The following CCDC146 variants were observed in gnomAD, a reference collection of about 807,000 sequenced individuals.
CCDC146 encodes the protein coiled-coil domain containing 146, also known as coiled-coil domain-containing protein 146.
In CCDC146, 92 loss-of-function variants were observed where a neutral mutation model predicts 119.3. That is an observed-to-expected ratio of 0.77 (90% CI 0.65 to 0.92). The LOEUF (loss-of-function observed/expected upper bound fraction) is 0.92, where lower values mean the gene tolerates loss of function less well. CCDC146 is among the 40% of genes least tolerant of loss of function. The probability of loss-of-function intolerance (pLI) is 0.00; values close to 1 mark genes in which losing one functional copy is unlikely to be tolerated. For synonymous variants in CCDC146, 372 were observed against 371.8 expected (o/e 1.00, Z -0.01); for missense variants, 1,000 against 1,103.0 (o/e 0.91, Z 1.32).
chr7:77,156,287 A>C (rs1290981660), intron 1 of CCDC146, among the ~76,000 whole-genome samples: 2 of 152,248 alleles, frequency 1.3e-5, no homozygotes, highest in African/African-American at 4.8e-5. Context: ...AATTGAAGGT[A>C]GTTCAAACCC....
intron 2 of CCDC146, among the ~76,000 whole-genome samples, chr7:77,204,815 A>G (rs1792054352): frequency 6.6e-6 from 1 of 152,162 alleles, no homozygotes; most frequent in African/African-American, 2.4e-5. Context: ...ATTTCCAGAG[A>G]CTTAGGAAGT....
In CCDC146 at chr7:77,196,191, A is replaced by G; in HGVS notation, c.156+28367A>G. The G allele has an allele frequency of 1.0e-6, 1 of 959,574 alleles. No homozygotes were observed. Among genetic ancestry groups the G allele is most frequent in the Admixed American group, 2.8e-5 (1 of 35,602 alleles). 59.4% of individuals were successfully genotyped at this position (959,574 alleles called of 1,614,324 possible). A position where few individuals can be genotyped will look rare whatever the true frequency, so the allele number is the denominator to read the frequency against. Reference sequence around the variant, plus strand: ...GTCAGACATCATTTTTTAGCTATGAAAAATATGAAACAAGGCATATTCTAA... The same window carrying G: ...GTCAGACATCATTTTTTAGCTATGAGAAATATGAAACAAGGCATATTCTAA... On this transcript the variant is annotated intron_variant, in intron 2 of 18. Transcript: ENST00000285871. This position sits in a 1 kb window ranked among gnomAD's most constrained non-coding sequence, Gnocchi z 4.2.
chr7:77,247,823 T>C (rs1245939696), intron 4 of CCDC146, among the ~76,000 whole-genome samples: 1 of 152,172 alleles, frequency 6.6e-6, no homozygotes, highest in Non-Finnish European at 1.5e-5. Context: ...AGGGAACACT[T>C]ATACATTGTT....
intron 2 of CCDC146, among the ~76,000 whole-genome samples, chr7:77,201,054 T>C (rs1791977778): frequency 6.6e-6 from 1 of 152,176 alleles, no homozygotes. Context: ...ATTCACATTC[T>C]CAAAATGTTG....
At chr7:77,253,153 CAA>C (rs745327999) in intron 4 of CCDC146, among the ~76,000 whole-genome samples, 4 of 152,196 alleles carry the variant, frequency 2.6e-5, no homozygotes, top group Non-Finnish European at 4.4e-5. Flanking sequence ...GTAGTGGAAA[CAA>C]AAGTGAAAAT....
At chr7:77,277,636 G>A (rs998568935) in intron 11 of CCDC146, among the ~76,000 whole-genome samples, 1 of 152,076 alleles carries the variant, frequency 6.6e-6, no homozygotes, top group Non-Finnish European at 1.5e-5. Flanking sequence ...CAGAATAGAT[G>A]ACACTACATT....
At chr7:77,235,726 A>T in intron 2 of CCDC146, among the ~76,000 whole-genome samples, 1 of 152,128 alleles carries the variant, frequency 6.6e-6, no homozygotes, top group East Asian at 1.9e-4. Flanking sequence ...AGATGATGAG[A>T]CTTGGGCCAG....
chr7:77,232,774 G>C (rs1407579818), intron 2 of CCDC146, among the ~76,000 whole-genome samples: 1 of 152,212 alleles, frequency 6.6e-6, no homozygotes, highest in Non-Finnish European at 1.5e-5. Flanking sequence ...TGGGGAAGAA[G>C]GGGAGGATGA....
At chr7:77,217,946 TCA>T (rs1237114877) in intron 2 of CCDC146, among the ~76,000 whole-genome samples, 1 of 152,194 alleles carries the variant, frequency 6.6e-6, no homozygotes. Context: ...TGGAAGTTGC[TCA>T]GAGTGAGTCA....
chr7:77,199,956 G>T lies in CCDC146; in HGVS notation c.156+32132G>T, dbSNP rs1198613150. 5 of 721,022 alleles carry T rather than the reference G, an allele frequency of 6.9e-6. No homozygotes were observed. In the African/African-American group the frequency reaches 7.1e-5, roughly 10 times the overall value. 44.7% of individuals were successfully genotyped at this position (721,022 alleles called of 1,614,324 possible). On this transcript the variant is annotated intron_variant, in intron 2 of 18. Coordinates refer to ENST00000285871, the MANE Select transcript of CCDC146 (RefSeq NM_020879.3). ...GAAGAGGAGATAGCCCTCATCAAAC[G>T]CAGTTTGCCAAAAACTGTAACTTAC...
intron 2 of CCDC146, among the ~76,000 whole-genome samples, chr7:77,214,390 T>C (rs1792259386): frequency 6.6e-6 from 1 of 152,208 alleles, no homozygotes; most frequent in South Asian, 2.1e-4. Context: ...TTTTCTCCCA[T>C]TCTGTAGATT....
chr7:77,291,733 T>C (rs144126223), intron 17 of CCDC146, among the ~76,000 whole-genome samples: 110 of 152,082 alleles, frequency 7.2e-4, no homozygotes, highest in African/African-American at 2.4e-3. Context: ...AACAAAACAC[T>C]CCAGGAACAG....
At chr7:77,249,293 T>C (rs993439737) in intron 4 of CCDC146, among the ~76,000 whole-genome samples, 1 of 152,012 alleles carries the variant, frequency 6.6e-6, no homozygotes, top group East Asian at 1.9e-4. Context: ...ATCAAGACCA[T>C]CCTGGCCAAC....
At chr7:77,128,441 T>G (rs1257978949) in intron 1 of CCDC146, among the ~76,000 whole-genome samples, 4 of 151,820 alleles carry the variant, frequency 2.6e-5, no homozygotes, top group Non-Finnish European at 4.4e-5. Flanking sequence ...ATGAATAAAG[T>G]CTAAAGAATA....
chr7:77,145,652 T>G (rs1399422072), intron 1 of CCDC146, among the ~76,000 whole-genome samples: 1 of 152,228 alleles, frequency 6.6e-6, no homozygotes, highest in Non-Finnish European at 1.5e-5. Context: ...AACATCTTTA[T>G]TTCTGCCTTC....
chr7:77,202,684 A>G (rs955755569), intron 2 of CCDC146, among the ~76,000 whole-genome samples: 1 of 151,698 alleles, frequency 6.6e-6, no homozygotes, highest in Non-Finnish European at 1.5e-5. Flanking sequence ...AAGAGGCTCA[A>G]CTCCCCTAAT....
At chr7:77,211,728 G>T (rs533443610) in intron 2 of CCDC146, among the ~76,000 whole-genome samples, 4 of 152,130 alleles carry the variant, frequency 2.6e-5, no homozygotes, top group African/African-American at 9.6e-5. Flanking sequence ...TGATTCTCCT[G>T]CCTCAGCCTC....
chr7:77,279,295 A>G (rs1431091919), intron 13 of CCDC146, among the ~76,000 whole-genome samples, 194 bp downstream of exon 13: 1 of 152,174 alleles, frequency 6.6e-6, no homozygotes, highest in African/African-American at 2.4e-5. Context: ...AATAAAAAGA[A>G]TAGTATTTTA....
intron 6 of CCDC146, among the ~76,000 whole-genome samples, 165 bp downstream of exon 6, chr7:77,256,674 T>A (rs1471878847): frequency 2.0e-5 from 3 of 152,228 alleles, no homozygotes; most frequent in Admixed American, 6.5e-5. Flanking sequence ...GCTCTGGGAA[T>A]GCACAAAAGA....
Sources: gnomAD v4.1 joint callset for allele counts (sites outside exome capture counted in the v4.1 genomes callset) on GRCh38, gnomAD v4.1.1 for gene constraint, Gnocchi (gnomAD v3.1) non-coding constraint, MANE v1.5 for transcripts, NCBI Gene and HGNC (gene_info 2026-07-23, HGNC 2026-07-21) for gene names.